ZPBP: variants seen among roughly 807,000 people sequenced by gnomAD.
ZPBP encodes zona pellucida binding protein, also known as zona pellucida-binding protein 1.
A neutral mutation model predicts 44.8 loss-of-function variants in ZPBP; 26 were observed. The ratio of observed to expected loss-of-function variants is 0.58; its 90% CI spans 0.43 to 0.81. The LOEUF (loss-of-function observed/expected upper bound fraction) is 0.81. ZPBP is among the 30% of genes least tolerant of loss of function. The pLI is 0.00. For missense variants in ZPBP, 409 were observed against 434.0 expected, an observed-to-expected ratio of 0.94 and a Z score of 0.51; for synonymous variants, 174 against 153.2, an observed-to-expected ratio of 1.14 and a Z score of -1.00.
At chr7:49,887,566 T>A (rs1182378939) in intron 2 of ZPBP, among the ~76,000 whole-genome samples, 1 of 152,214 alleles carries the variant, frequency 6.6e-6, no homozygotes, top group Admixed American at 6.5e-5. Flanking sequence ...TATCATTTCA[T>A]TTGTGTCTGT....
intron 7 of ZPBP, among the ~76,000 whole-genome samples, chr7:49,953,649 A>T (rs529591637): frequency 6.6e-6 from 1 of 152,248 alleles, no homozygotes; most frequent in South Asian, 2.1e-4. Context: ...TCCAGCACCA[A>T]ATAAGGCAAA....
At position 49,853,533 on chromosome 7, in the gene ZPBP, GT is replaced by G. The variant is rs368455759; in HGVS notation, n.510-3020del. Among the ~76,000 whole-genome samples the G allele has an allele frequency of 4.6e-3, 684 of 149,220 alleles. 2 individuals carry two copies. The highest frequency in any genetic ancestry group is 0.013 in the African/African-American group (544 of 40,754). ...GAATAAGATAGGTCCTAAGTTTTTG[GT>G]TTTTTTTTTCTTTATCACGGTAGAC... On this transcript the variant is annotated intron_variant and non_coding_transcript_variant, in intron 2 of 2. Coordinates refer to the ZPBP transcript ENST00000465922.
chr7:50,047,431 A>T (rs10253793), intron 4 of ZPBP, among the ~76,000 whole-genome samples: 1 of 152,110 alleles, frequency 6.6e-6, no homozygotes, highest in African/African-American at 2.4e-5. Context: ...CAAAAAGGAG[A>T]TGGATATTTT....
At chr7:49,990,282 A>T (rs1797504983) in intron 6 of ZPBP, among the ~76,000 whole-genome samples, 1 of 152,216 alleles carries the variant, frequency 6.6e-6, no homozygotes. Context: ...GATAGGGCGT[A>T]TGTGGGTAAG....
intron 7 of ZPBP, among the ~76,000 whole-genome samples, chr7:49,954,224 G>A (rs1321004161): frequency 2.0e-5 from 3 of 152,082 alleles, no homozygotes; most frequent in Non-Finnish European, 4.4e-5. Flanking sequence ...ATGGTAAAGA[G>A]ACAAGTGGAT....
intron 3 of ZPBP, among the ~76,000 whole-genome samples, chr7:50,067,321 T>G (rs977017704): frequency 6.6e-6 from 1 of 152,206 alleles, no homozygotes; most frequent in South Asian, 2.1e-4. Flanking sequence ...TACTTTATTT[T>G]TTTACTTCCA....
downstream of ZPBP, among the ~76,000 whole-genome samples, chr7:49,849,774 CTT>C (rs1790101515): frequency 6.6e-6 from 1 of 152,172 alleles, no homozygotes; most frequent in Non-Finnish European, 1.5e-5. Flanking sequence ...GAGAGTCTGA[CTT>C]AATAAAAGTG....
chr7:49,901,113 C>T (rs1792701455), intron 2 of ZPBP: 1 of 151,922 alleles, frequency 6.6e-6, no homozygotes, highest in East Asian at 1.9e-4. Context: ...CAACATCGTA[C>T]TTACTGTTGA....
intron 7 of ZPBP, chr7:49,940,829 T>C: frequency 1.0e-6 from 1 of 984,524 alleles, no homozygotes; most frequent in South Asian, 4.7e-5. Context: ...CCCATGCCTG[T>C]GGGATTGGTT....
At chr7:49,907,092 C>G (rs1487204829) in intron 1 of ZPBP, among the ~76,000 whole-genome samples, 1 of 151,964 alleles carries the variant, frequency 6.6e-6, no homozygotes, top group African/African-American at 2.4e-5. Context: ...GAGTGATAAG[C>G]TGGGACATGT....
At chr7:50,024,468 C>T (rs1799235404) in intron 5 of ZPBP, among the ~76,000 whole-genome samples, 1 of 151,098 alleles carries the variant, frequency 6.6e-6, no homozygotes, top group Non-Finnish European at 1.5e-5. Context: ...GCATTATACA[C>T]ACACACACAC....
At chr7:49,847,636 C>T (rs1039288850), downstream of ZPBP, among the ~76,000 whole-genome samples, 3 of 152,270 alleles carry the variant, frequency 2.0e-5, no homozygotes, top group Non-Finnish European at 4.4e-5. Context: ...GCACGCTGGC[C>T]TGGGTCAGGA....
intron 7 of ZPBP, among the ~76,000 whole-genome samples, chr7:49,975,482 C>G (rs528823136): frequency 6.6e-6 from 1 of 152,306 alleles, no homozygotes; most frequent in South Asian, 2.1e-4. Flanking sequence ...GACACTCACT[C>G]TCCCTCTCAT....
chr7:49,847,432 C>A (rs145336929), downstream of ZPBP, among the ~76,000 whole-genome samples: 1 of 152,012 alleles, frequency 6.6e-6, no homozygotes, highest in Non-Finnish European at 1.5e-5. Flanking sequence ...CAGAGCCTTG[C>A]AGGGATCCCT....
At chr7:50,024,529 T>C (rs1799237443) in intron 5 of ZPBP, among the ~76,000 whole-genome samples, 1 of 79,026 alleles carries the variant, frequency 1.3e-5, no homozygotes, top group Non-Finnish European at 2.7e-5. Flanking sequence ...TTTGCCACAA[T>C]ACAGATGAAC....
At chr7:50,077,862 A>G (rs148196318) in intron 3 of ZPBP, among the ~76,000 whole-genome samples, 1 of 152,030 alleles carries the variant, frequency 6.6e-6, no homozygotes, top group African/African-American at 2.4e-5. Flanking sequence ...AAACAGAGCT[A>G]ACATATGATC....
At position 49,884,435 on chromosome 7, in the gene ZPBP, A is replaced by G. The variant is rs560092202; in HGVS notation, n.509+16683T>C. ...TTGACTAAAATTGGGGGATTCACATAGCTGGGAAGGTGGAGAACAGCAATT... is the reference window on the plus strand; with the variant it reads ...TTGACTAAAATTGGGGGATTCACATGGCTGGGAAGGTGGAGAACAGCAATT... On this transcript the variant is annotated intron_variant and non_coding_transcript_variant, in intron 2 of 2. Transcript: ENST00000465922. 2.6e-5 allele frequency among the ~76,000 whole-genome samples: 4 copies of G among 152,294 alleles called. No homozygotes were observed. In the East Asian group the frequency reaches 7.7e-4, roughly 29 times the overall value.
chr7:49,914,871 A>C (rs1358148617), intron 1 of ZPBP: 2 of 152,224 alleles, frequency 1.3e-5, no homozygotes, highest in Non-Finnish European at 2.9e-5. Context: ...TCAAGTATAG[A>C]AGTTCTGGAA....
intron 2 of ZPBP, among the ~76,000 whole-genome samples, chr7:50,083,084 A>G (rs562166613): frequency 6.6e-6 from 1 of 151,976 alleles, no homozygotes; most frequent in South Asian, 2.1e-4. Context: ...CAGCATAAGT[A>G]TATCCTTTGT....
Sources: gnomAD v4.1 joint callset for allele counts (sites outside exome capture counted in the v4.1 genomes callset) on GRCh38, gnomAD v4.1.1 for gene constraint, MANE v1.5 for transcripts, NCBI Gene and HGNC (gene_info 2026-07-23, HGNC 2026-07-21) for gene names.